Variants in TNIK observed in about 807,000 individuals in gnomAD.
The protein encoded by TNIK is TRAF2 and NCK-interacting protein kinase.
Under a neutral mutation model 191.3 loss-of-function variants are expected in TNIK, and 49 were observed. The ratio of observed to expected loss-of-function variants is 0.26; its 90% CI spans 0.20 to 0.32. The LOEUF is 0.32. TNIK is among the 10% of genes least tolerant of loss of function. The pLI is 1.00. For synonymous variants in TNIK, 594 were observed against 600.9 expected, an observed-to-expected ratio of 0.99 and a Z score of 0.17; for missense variants, 1,155 against 1,702.3, an observed-to-expected ratio of 0.68 and a Z score of 5.66.
At chr3:171,333,610 A>T (rs1756644525) in intron 2 of TNIK, among the ~76,000 whole-genome samples, 2 of 151,426 alleles carry the variant, frequency 1.3e-5, no homozygotes, top group Non-Finnish European at 1.5e-5. Context: ...AAAAACCTAC[A>T]ACACTGGATC....
rs867066984 is a variant in TNIK at position 171,353,623 on chromosome 3, A to G, written c.123+15997T>C. Among the ~76,000 whole-genome samples the G allele has an allele frequency of 3.3e-5, 5 of 152,320 alleles. No individual in the cohort carries two copies. In the South Asian group the frequency reaches 8.3e-4, roughly 25 times the overall value. On this transcript the variant is annotated intron_variant, in intron 2 of 32. Coordinates refer to ENST00000436636, the MANE Select transcript of TNIK (RefSeq NM_015028.4). ...TACTAAATCTATGAAACACCTGACT[A>G]CAAGAGATGACTCAGGATTAAAAAA...
intron 2 of TNIK, among the ~76,000 whole-genome samples, chr3:171,353,985 A>G (rs939895876): frequency 2.6e-5 from 4 of 152,154 alleles, no homozygotes; most frequent in Non-Finnish European, 1.5e-5. Context: ...GTATGTTAGT[A>G]TAAAGTGCCA....
intron 2 of TNIK, among the ~76,000 whole-genome samples, chr3:171,242,110 T>C (rs185265479): frequency 0.011 from 1,682 of 150,490 alleles, 23 homozygotes; most frequent in African/African-American, 0.039. Flanking sequence ...CACATGTATA[T>C]ATATGTAACA....
At chr3:171,301,884 G>C (rs573855353) in intron 2 of TNIK, among the ~76,000 whole-genome samples, 2 of 152,330 alleles carry the variant, frequency 1.3e-5, no homozygotes, top group East Asian at 3.9e-4. Context: ...TAATGCTGAA[G>C]TACATTGGGG....
intron 1 of TNIK, among the ~76,000 whole-genome samples, chr3:171,402,135 C>T (rs116746311): frequency 0.039 from 5,889 of 152,224 alleles, 179 homozygotes; most frequent in Non-Finnish European, 0.057. Context: ...TAATGACTAA[C>T]GATAACTGGT....
chr3:171,140,556 G>A (rs746919902), intron 12 of TNIK, 47 bp from the exon 13 acceptor site: 3 of 1,571,070 alleles, frequency 1.9e-6, no homozygotes, highest in East Asian at 2.2e-5. Context: ...GGCCCCGGTG[G>A]GGGGTGTCAG....
intron 3 of TNIK, among the ~76,000 whole-genome samples, chr3:171,213,061 G>A (rs1741032367): frequency 6.6e-6 from 1 of 152,046 alleles, no homozygotes; most frequent in African/African-American, 2.4e-5. Flanking sequence ...ACAGGGGAAG[G>A]CACACTGCTG....
intron 7 of TNIK, among the ~76,000 whole-genome samples, chr3:171,183,693 T>C (rs1245022841): frequency 6.6e-6 from 1 of 152,070 alleles, no homozygotes; most frequent in South Asian, 2.1e-4. Context: ...GAGGCCAAGG[T>C]GGGCAGATCA....
At chr3:171,099,051 C>T (rs897935055) in intron 22 of TNIK, among the ~76,000 whole-genome samples, 2 of 152,094 alleles carry the variant, frequency 1.3e-5, no homozygotes, top group Non-Finnish European at 2.9e-5. Context: ...CAAGTCTTGC[C>T]TCCACCATCA....
intron 23 of TNIK, among the ~76,000 whole-genome samples, chr3:171,092,713 A>G (rs1289043491): frequency 6.6e-6 from 1 of 152,246 alleles, no homozygotes; most frequent in Non-Finnish European, 1.5e-5. Flanking sequence ...TCTTCCAGTT[A>G]TAGCCCCACT....
At chr3:171,372,580 A>T (rs1716656787) in intron 1 of TNIK, among the ~76,000 whole-genome samples, 1 of 152,188 alleles carries the variant, frequency 6.6e-6, no homozygotes, top group African/African-American at 2.4e-5. Flanking sequence ...GAATTATCCT[A>T]CCTGGAAGCA....
At chr3:171,310,974 A>G (rs920727312) in intron 2 of TNIK, among the ~76,000 whole-genome samples, 4 of 152,136 alleles carry the variant, frequency 2.6e-5, no homozygotes, top group African/African-American at 9.7e-5. Flanking sequence ...TGTTTCCCCA[A>G]ATGTGTATAT....
rs970082193 is a variant in TNIK, at chr3:171,063,742, C to T, written c.*139G>A. On this transcript the variant is annotated 3_prime_UTR_variant, in exon 33 of 33. Transcript: ENST00000436636. ...GAAAGATGGACTGTACTGGGAGGGGCGGAGGGAGAGGAAAAAGGGAAAGCG... is the reference window on the plus strand; with the variant it reads ...GAAAGATGGACTGTACTGGGAGGGGTGGAGGGAGAGGAAAAAGGGAAAGCG... 3.5e-5 allele frequency: 27 copies of T among 762,672 alleles called. No homozygotes were observed. Among genetic ancestry groups the T allele is most frequent in the African/African-American group, 7.2e-5 (4 of 55,942 alleles). 47.2% of individuals were successfully genotyped at this position (762,672 alleles called of 1,614,324 possible).
intron 4 of TNIK, among the ~76,000 whole-genome samples, chr3:171,201,083 A>T (rs2108870287): frequency 6.6e-6 from 1 of 152,294 alleles, no homozygotes; most frequent in South Asian, 2.1e-4. Context: ...GGTTTGCACC[A>T]AGCAGTTTAA....
chr3:171,459,919 T>G (rs1311143027), intron 1 of TNIK, 88 bp downstream of exon 1: 108 of 497,118 alleles, frequency 2.2e-4, no homozygotes, highest in Non-Finnish European at 3.4e-4. Flanking sequence ...GCTGTCCCCC[T>G]GCCCCAGCCC....
At chr3:171,092,278 G>A (rs1266358804) in intron 23 of TNIK, among the ~76,000 whole-genome samples, 5 of 152,086 alleles carry the variant, frequency 3.3e-5, no homozygotes, top group Admixed American at 6.6e-5. Flanking sequence ...GACAGGTTGT[G>A]GTCATAGAAT....
chr3:171,295,305 C>A (rs1033924141), intron 2 of TNIK, among the ~76,000 whole-genome samples: 3 of 152,156 alleles, frequency 2.0e-5, no homozygotes, highest in African/African-American at 7.2e-5. Context: ...TCAGAAAATT[C>A]TCTTTGTTTT....
chr3:171,406,671 G>A (rs983163575), intron 1 of TNIK, among the ~76,000 whole-genome samples: 2 of 152,172 alleles, frequency 1.3e-5, no homozygotes, highest in Non-Finnish European at 2.9e-5. Flanking sequence ...GGCCTCAGGT[G>A]ATCTTCCCAC....
At chr3:171,105,733 TGA>T (rs1724718636) in intron 21 of TNIK, among the ~76,000 whole-genome samples, 1 of 152,180 alleles carries the variant, frequency 6.6e-6, no homozygotes, top group Non-Finnish European at 1.5e-5. Flanking sequence ...ATGAAATCTG[TGA>T]GAGCCTTTTC....
Sources: gnomAD v4.1 joint callset for allele counts (sites outside exome capture counted in the v4.1 genomes callset) on GRCh38, gnomAD v4.1.1 for gene constraint, MANE v1.5 for transcripts, NCBI Gene and HGNC (gene_info 2026-07-23, HGNC 2026-07-21) for gene names.